Variants in CACNA1B observed in about 807,000 individuals in gnomAD.
CACNA1B encodes calcium voltage-gated channel subunit alpha1 B, also known as voltage-dependent N-type calcium channel subunit alpha-1B.
In CACNA1B, 70 loss-of-function variants were observed where a neutral mutation model predicts 247.2. That is an observed-to-expected ratio of 0.28 (90% CI 0.23 to 0.35). The LOEUF (loss-of-function observed/expected upper bound fraction) is 0.35, where lower values mean the gene tolerates loss of function less well. CACNA1B is among the 10% of genes least tolerant of loss of function. CACNA1B has a pLI of 1.00. For missense variants in CACNA1B, 2,367 were observed against 3,197.4 expected, an observed-to-expected ratio of 0.74 and a Z score of 6.26; for synonymous variants, 1,231 against 1,294.4, an observed-to-expected ratio of 0.95 and a Z score of 1.05.
At chr9:137,910,071 A>G (rs1194596333) in intron 3 of CACNA1B, among the ~76,000 whole-genome samples, 1 of 152,114 alleles carries the variant, frequency 6.6e-6, no homozygotes, top group East Asian at 1.9e-4. Flanking sequence ...GCGCCTGGCC[A>G]ATAATAGCTA....
chr9:137,927,867 CAT>C (rs1564193581), intron 6 of CACNA1B, among the ~76,000 whole-genome samples: 2 of 152,142 alleles, frequency 1.3e-5, no homozygotes, highest in Admixed American at 6.5e-5. Flanking sequence ...AATTTTGTCA[CAT>C]GTGTTTTCTG....
rs41302681 is a variant in CACNA1B, at chr9:138,049,190, G to T, written c.3604-19G>T. 0.091 allele frequency: 135,154 copies of T among 1,487,362 alleles called. 7,032 individuals carry two copies. Among genetic ancestry groups the T allele is most frequent in the Middle Eastern group, 0.16 (941 of 5,820 alleles). 92.1% of individuals were successfully genotyped at this position (1,487,362 alleles called of 1,614,324 possible). A position where few individuals can be genotyped will look rare whatever the true frequency, so the allele number is the denominator to read the frequency against. The stretch of plus-strand genomic sequence containing the variant: ...TTTTCTGGACTATGACGTATCTAAC[G>T]TGTGTTTCTCCCTCCTAGATGATCG... On this transcript the variant is annotated intron_variant, in intron 23 of 46. Coordinates refer to ENST00000371372, the MANE Select transcript of CACNA1B (RefSeq NM_000718.4).
At chr9:138,074,865 G>C (rs2131315131) in intron 34 of CACNA1B, among the ~76,000 whole-genome samples, 1 of 152,374 alleles carries the variant, frequency 6.6e-6, no homozygotes, top group African/African-American at 2.4e-5. Flanking sequence ...GGACAGGCCT[G>C]ACCCGCGGCG....
intron 5 of CACNA1B, among the ~76,000 whole-genome samples, chr9:137,916,022 G>A (rs1329606376): frequency 2.0e-5 from 3 of 148,268 alleles, no homozygotes. Flanking sequence ...TTCATGTGTT[G>A]TTATACAATT....
In CACNA1B at chr9:138,052,110, C is replaced by T. The variant is rs1292077418; in HGVS notation, c.3729C>T (p.Asp1243=). 3 of 1,608,062 alleles carry T rather than the reference C, an allele frequency of 1.9e-6. No individual in the cohort carries two copies. Among genetic ancestry groups the T allele is most frequent in the African/African-American group, 2.7e-5 (2 of 74,838 alleles). ...CTTCTAGAGGATCCAAAGGGAAAGA[C>T]ATCAATACCATCAAGTCTCTGAGAG... ...AFAFSGSKGK[D]INTIKSLRVL... The change falls in exon 25 of 47, where the codon GAC becomes GAT. Residue 1243 remains aspartate, a synonymous_variant. Coordinates refer to ENST00000371372, the MANE Select transcript of CACNA1B (RefSeq NM_000718.4). The surrounding 1 kb of genome is among the most constrained non-coding windows in gnomAD (Gnocchi z 5.1).
chr9:137,979,853 G>A (rs1006917573), intron 12 of CACNA1B, among the ~76,000 whole-genome samples: 4 of 152,232 alleles, frequency 2.6e-5, no homozygotes, highest in Non-Finnish European at 1.5e-5. Flanking sequence ...AACATTCAGT[G>A]TGCAGTGGTA....
intron 10 of CACNA1B, among the ~76,000 whole-genome samples, chr9:137,961,258 A>G (rs184413470): frequency 1.3e-5 from 2 of 152,152 alleles, no homozygotes; most frequent in Non-Finnish European, 2.9e-5. Flanking sequence ...GTATCCTGAG[A>G]CTTAGCTGAA....
At position 138,078,149 on chromosome 9, in the gene CACNA1B, T is replaced by C; in HGVS notation, c.4985T>C (p.Leu1662Pro). The change falls in exon 36 of 47, where the codon CTG (leucine) becomes CCG (proline). Residue 1662 changes from leucine (L) to proline (P), a missense_variant. Physicochemically the swap from Leu to Pro is moderately conservative, Grantham distance 98. Transcript: ENST00000371372. ...GGGGAGGCCTGGCACGAGATCATGCTGTCCTGCCTGAGCAACCAGGCCTGT... is the reference window on the plus strand; with the variant it reads ...GGGGAGGCCTGGCACGAGATCATGCCGTCCTGCCTGAGCAACCAGGCCTGT... ...ATGEAWHEIM[L>P]SCLSNQACDE... is the part of the protein sequence containing the mutation. The C allele has an allele frequency of 6.2e-7, 1 of 1,613,992 alleles. No individual in the cohort carries two copies.
Position 138,009,948 on chromosome 9 carries a change from A to ACC in CACNA1B, c.2093-62_2093-61insCC, listed in dbSNP as rs1958703384. 8 of 1,306,604 alleles carry ACC rather than the reference A, an allele frequency of 6.1e-6. No individual in the cohort carries two copies. The South Asian group carries it at 8.4e-5, about 14-fold the overall frequency. The allele number at this position is 1,306,604 out of a possible 1,614,324, so 80.9% of individuals were successfully genotyped here. A position where few individuals can be genotyped will look rare whatever the true frequency, so the allele number is the denominator to read the frequency against. On this transcript the variant is annotated intron_variant, in intron 16 of 46. Transcript: ENST00000371372. ...GGTTGGGATCTGGGGAGATGGGGGA[A>ACC]GCTGCAGTGTGACTGGGGCCATGTG...
At chr9:137,943,847 G>C (rs1039365276) in intron 6 of CACNA1B, among the ~76,000 whole-genome samples, 3 of 152,218 alleles carry the variant, frequency 2.0e-5, no homozygotes, top group Non-Finnish European at 4.4e-5. Flanking sequence ...CACGGTGCCA[G>C]GGAGTGATTG....
chr9:138,014,662 C>T lies in CACNA1B; in HGVS notation c.2267+1427C>T, dbSNP rs542225502. On this transcript the variant is annotated intron_variant, in intron 18 of 46. Transcript: ENST00000371372. The surrounding 1 kb of genome is among the most constrained non-coding windows in gnomAD (Gnocchi z 6.2). Reference sequence around the variant, plus strand: ...GGTGGGTGGTCTGCAGTAGATGGGGCGAGTGGTGTGTTCAGCTCCTGGCCT... The same window carrying T: ...GGTGGGTGGTCTGCAGTAGATGGGGTGAGTGGTGTGTTCAGCTCCTGGCCT... Among the ~76,000 whole-genome samples, 35 of 152,220 alleles carry T rather than the reference C, an allele frequency of 2.3e-4. No homozygotes were observed. Among genetic ancestry groups the T allele is most frequent in the South Asian group, 6.2e-4 (3 of 4,820 alleles).
At chr9:137,920,703 T>C (rs1165597291) in intron 6 of CACNA1B, among the ~76,000 whole-genome samples, 2 of 152,212 alleles carry the variant, frequency 1.3e-5, no homozygotes, top group African/African-American at 4.8e-5. Context: ...ATGCTTTGCT[T>C]ATGTTCATTG....
intron 31 of CACNA1B, among the ~76,000 whole-genome samples, chr9:138,063,965 G>T (rs1039801176): frequency 1.3e-5 from 2 of 152,170 alleles, no homozygotes; most frequent in African/African-American, 4.8e-5. Flanking sequence ...ATGTCGAGGA[G>T]CCAGTGTGGT....
At chr9:137,893,723 A>G (rs1957137531) in intron 3 of CACNA1B, among the ~76,000 whole-genome samples, 1 of 152,214 alleles carries the variant, frequency 6.6e-6, no homozygotes, top group Admixed American at 6.5e-5. Context: ...ATAGATTCAT[A>G]ATAGGCAGTT....
At chr9:137,897,819 A>T (rs1957189605) in intron 3 of CACNA1B, among the ~76,000 whole-genome samples, 2 of 151,946 alleles carry the variant, frequency 1.3e-5, no homozygotes. Flanking sequence ...AGCTGGGACT[A>T]TAGGCACCCA....
intron 16 of CACNA1B, 103 bp downstream of exon 16, chr9:138,006,987 G>T (rs759326141): frequency 1.8e-4 from 125 of 675,864 alleles, no homozygotes; most frequent in Non-Finnish European, 2.9e-4. Context: ...GGCCGTGGAC[G>T]TGAGAGGTGC....
At position 137,899,354 on chromosome 9, in the gene CACNA1B, A is replaced by C. The variant is rs1002774699; in HGVS notation, c.531-13826A>C. 6.6e-6 allele frequency among the ~76,000 whole-genome samples: 1 copy of C among 151,980 alleles called. No homozygotes were observed. The highest frequency in any genetic ancestry group is 2.1e-4 in the South Asian group (1 of 4,814). On this transcript the variant is annotated intron_variant, in intron 3 of 46. Transcript: ENST00000371372. The surrounding 1 kb of genome is among the most constrained non-coding windows in gnomAD (Gnocchi z 5.0). Reference sequence around the variant, plus strand: ...ATGATCCACCTGTCTTGGCCTCCCAAAGCGCTGGGATTGGGATATGCTTTC... The same window carrying C: ...ATGATCCACCTGTCTTGGCCTCCCACAGCGCTGGGATTGGGATATGCTTTC...
In CACNA1B at chr9:137,880,292, C is replaced by T. The variant is rs1031026913; in HGVS notation, c.390+1133C>T. On this transcript the variant is annotated intron_variant, in intron 2 of 46. Transcript: ENST00000371372. The surrounding 1 kb of genome is among the most constrained non-coding windows in gnomAD (Gnocchi z 4.8). ...AATGCCCAGTGGTCTGGGTTACGGCCGGGTGAGGAGGAGGAGCATGGACAG... is the reference window on the plus strand; with the variant it reads ...AATGCCCAGTGGTCTGGGTTACGGCTGGGTGAGGAGGAGGAGCATGGACAG... Among the ~76,000 whole-genome samples the T allele has an allele frequency of 3.3e-5, 5 of 152,028 alleles. No individual in the cohort carries two copies. Among genetic ancestry groups the T allele is most frequent in the African/African-American group, 4.8e-5 (2 of 41,392 alleles).
rs114395720 is a variant in CACNA1B, at chr9:138,073,104, C to T, written c.4675-384C>T. Among the ~76,000 whole-genome samples the T allele has an allele frequency of 0.01, 1,533 of 152,288 alleles. 25 individuals carry two copies. The highest frequency in any genetic ancestry group is 0.034 in the African/African-American group (1,432 of 41,542). On this transcript the variant is annotated intron_variant, in intron 32 of 46. Transcript: ENST00000371372. This position sits in a 1 kb window ranked among gnomAD's most constrained non-coding sequence, Gnocchi z 6.4. ...GAAGCAGTCATGCCCAGCACGTGGC[C>T]AGCTTGACCGTGTCCTGCAAGAGGT...
Sources: gnomAD v4.1 joint callset for allele counts (sites outside exome capture counted in the v4.1 genomes callset) on GRCh38, gnomAD v4.1.1 for gene constraint, Gnocchi (gnomAD v3.1) non-coding constraint, MANE v1.5 for transcripts, NCBI Gene and HGNC (gene_info 2026-07-23, HGNC 2026-07-21) for gene names.